Variants in PBX1 observed in about 807,000 individuals in gnomAD.
The protein encoded by PBX1 is PBX homeobox 1.
A neutral mutation model predicts 53.4 loss-of-function variants in PBX1; 6 were observed. That is an observed-to-expected ratio of 0.11 (90% CI 0.06 to 0.22). PBX1 has a LOEUF of 0.22. Ranked by LOEUF, PBX1 falls within the 10% of genes least tolerant of loss-of-function variation. The pLI, the probability that PBX1 is intolerant of heterozygous loss-of-function variation, is 1.00. For missense variants in PBX1, 251 were observed against 551.4 expected (o/e 0.46, Z 5.46); for synonymous variants, 204 against 212.3 (o/e 0.96, Z 0.34).
At chr1:164,768,496 A>G (rs1326945010) in intron 2 of PBX1, among the ~76,000 whole-genome samples, 1 of 152,186 alleles carries the variant, frequency 6.6e-6, no homozygotes, top group Non-Finnish European at 1.5e-5. Context: ...GCACTGCTTT[A>G]TAACTTTGCT....
At chr1:164,663,189 TCTTCCTTCCTGC>T (rs1293265986) in intron 2 of PBX1, among the ~76,000 whole-genome samples, 8 of 129,338 alleles carry the variant, frequency 6.2e-5, no homozygotes, top group South Asian at 2.9e-4. Context: ...TTCCTTCCTG[TCTTCCTTCCTGC>T]CTTCCTTCCT....
chr1:164,701,740 CTGAT>C (rs1663134742), intron 2 of PBX1, among the ~76,000 whole-genome samples: 2 of 152,290 alleles, frequency 1.3e-5, no homozygotes, highest in African/African-American at 4.8e-5. Flanking sequence ...CTGCACAAGA[CTGAT>C]TGTGCACATT....
At position 164,736,259 on chromosome 1, in the gene PBX1, C is replaced by G. The variant is rs1043122794; in HGVS notation, c.266-56235C>G. On this transcript the variant is annotated intron_variant, in intron 2 of 8. Coordinates refer to ENST00000420696, the MANE Select transcript of PBX1 (RefSeq NM_002585.4). ...TAATTACCATTATTAGAAATAGCTGCGGGGGAGGCATTGGAACACCAAGTA... is the reference window on the plus strand; with the variant it reads ...TAATTACCATTATTAGAAATAGCTGGGGGGGAGGCATTGGAACACCAAGTA... 2.0e-5 allele frequency among the ~76,000 whole-genome samples: 3 copies of G among 152,030 alleles called. No individual in the cohort carries two copies. In the East Asian group the frequency reaches 5.8e-4, roughly 29 times the overall value.
chr1:164,751,332 AG>A (rs1271272121), intron 2 of PBX1, among the ~76,000 whole-genome samples: 2 of 150,088 alleles, frequency 1.3e-5, no homozygotes, highest in East Asian at 2.0e-4. Flanking sequence ...AAAAAAAAAA[AG>A]ATGGTATTTG....
chr1:164,825,537 G>A (rs1670414902), intron 8 of PBX1, among the ~76,000 whole-genome samples: 1 of 152,178 alleles, frequency 6.6e-6, no homozygotes. Flanking sequence ...AGTATCTGAT[G>A]AGAATTACTA....
At position 164,655,332 on chromosome 1, in the gene PBX1, G is replaced by A. The variant is rs149422046; in HGVS notation, c.265+92021G>A. Among the ~76,000 whole-genome samples, 1,048 of 152,078 alleles carry A rather than the reference G, an allele frequency of 6.9e-3. 14 individuals are homozygous for A. Among genetic ancestry groups the A allele is most frequent in the African/African-American group, 0.024 (1,002 of 41,498 alleles). ...TTCTCCATGGTGGTCAGACTGGTCT[G>A]GAACTCTCGACCTCAGGTGATTTGC... is the stretch of plus-strand genomic sequence containing the variant. On this transcript the variant is annotated intron_variant, in intron 2 of 8. Transcript: ENST00000420696.
intron 2 of PBX1, among the ~76,000 whole-genome samples, chr1:164,778,312 T>C (rs894093484): frequency 5.9e-5 from 9 of 152,168 alleles, no homozygotes; most frequent in African/African-American, 1.4e-4. Flanking sequence ...TTTGATGGTG[T>C]GGTGTAGAAA....
chr1:164,666,298 A>G (rs2635035), intron 2 of PBX1, among the ~76,000 whole-genome samples: 145,934 of 152,276 alleles, frequency 0.96, 70,222 homozygotes, highest in East Asian at 1. Flanking sequence ...CTCTGTTCAT[A>G]TCTGCATTCA....
At chr1:164,647,840 A>G in intron 2 of PBX1, among the ~76,000 whole-genome samples, 1 of 139,546 alleles carries the variant, frequency 7.2e-6, no homozygotes, top group Non-Finnish European at 1.5e-5. Context: ...TTTGAGACAG[A>G]GTCTTGCTCA....
chr1:164,680,674 A>C (rs923725943), intron 2 of PBX1: 10 of 152,260 alleles, frequency 6.6e-5, no homozygotes, highest in African/African-American at 1.9e-4. Context: ...AGGCTATTGT[A>C]TACATCAAAC....
chr1:164,872,538 C>T (rs1558054728), intron 2 of PBX1, among the ~76,000 whole-genome samples: 1 of 152,154 alleles, frequency 6.6e-6, no homozygotes, highest in Admixed American at 6.5e-5. Flanking sequence ...AGAACAAAAA[C>T]GTGGGTTATC....
chr1:164,816,867 C>G (rs894975120), intron 6 of PBX1: 8 of 150,800 alleles, frequency 5.3e-5, no homozygotes, highest in Non-Finnish European at 1.2e-4. Context: ...TTTTGTTTTT[C>G]TTTAACAAAT....
Position 164,841,070 on chromosome 1 carries a change from C to T in PBX1, c.1201-5514C>T, listed in dbSNP as rs554280724. On this transcript the variant is annotated intron_variant, in intron 8 of 8. Coordinates refer to ENST00000420696, the MANE Select transcript of PBX1 (RefSeq NM_002585.4). ...AATTCCACACCCTTGCTTTTATGGT[C>T]GGGTAGGTGAAACCGACGTGTGAAG... is the stretch of plus-strand genomic sequence containing the variant. 7.8e-4 allele frequency among the ~76,000 whole-genome samples: 118 copies of T among 152,238 alleles called. 1 individual carries two copies. Among genetic ancestry groups the T allele is most frequent in the South Asian group, 2.1e-3 (10 of 4,832 alleles).
intron 2 of PBX1, among the ~76,000 whole-genome samples, chr1:164,786,593 T>G (rs1668187829): frequency 1.3e-5 from 2 of 151,912 alleles, no homozygotes. Context: ...AATTAGGAAA[T>G]CAATAGAAAA....
chr1:164,643,843 A>G (rs1050055731), intron 2 of PBX1, among the ~76,000 whole-genome samples: 2 of 152,204 alleles, frequency 1.3e-5, no homozygotes, highest in African/African-American at 2.4e-5. Context: ...ACTCATGTCT[A>G]CCTGACTCCA....
intron 2 of PBX1, among the ~76,000 whole-genome samples, chr1:164,654,116 A>G (rs1292820049): frequency 6.6e-6 from 1 of 152,284 alleles, no homozygotes; most frequent in East Asian, 1.9e-4. Flanking sequence ...CCGTAAACAC[A>G]GTGCATTGGG....
chr1:164,606,307 T>G (rs183789339), intron 2 of PBX1, among the ~76,000 whole-genome samples: 1 of 152,298 alleles, frequency 6.6e-6, no homozygotes, highest in East Asian at 1.9e-4. Flanking sequence ...CTGGCCAACA[T>G]GATGAAACCC....
chr1:164,665,109 T>C (rs984547692), intron 2 of PBX1, among the ~76,000 whole-genome samples: 1 of 152,208 alleles, frequency 6.6e-6, no homozygotes, highest in Non-Finnish European at 1.5e-5. Context: ...AATATTCCTG[T>C]CTAAATGGGA....
intron 2 of PBX1, among the ~76,000 whole-genome samples, chr1:164,571,306 C>T (rs570004315): frequency 6.6e-6 from 1 of 152,032 alleles, no homozygotes; most frequent in Non-Finnish European, 1.5e-5. Flanking sequence ...GCCTCCTTGC[C>T]CCCTAAAAAA....
Sources: allele counts gnomAD v4.1 joint callset (sites outside exome capture counted in the v4.1 genomes callset), GRCh38; gene constraint gnomAD v4.1.1; transcripts MANE v1.5; gene names NCBI Gene and HGNC (gene_info 2026-07-23, HGNC 2026-07-21).